The following UBE3D variants were observed in gnomAD, a reference collection of about 807,000 sequenced individuals.
The protein encoded by UBE3D is E3 ubiquitin-protein ligase E3D.
In UBE3D, 48 loss-of-function variants were observed where a neutral mutation model predicts 49.6. The observed-to-expected ratio is 0.97, with a 90% confidence interval of 0.77 to 1.23. The LOEUF (loss-of-function observed/expected upper bound fraction) is 1.23, where lower values mean the gene tolerates loss of function less well. Ranked by LOEUF, UBE3D falls within the 50% of genes most tolerant of loss-of-function variation. The probability of loss-of-function intolerance (pLI) is 0.00; values close to 1 mark genes in which losing one functional copy is unlikely to be tolerated. For missense variants in UBE3D, 452 were observed against 468.4 expected, an observed-to-expected ratio of 0.96 and a Z score of 0.32; for synonymous variants, 189 against 174.2, an observed-to-expected ratio of 1.08 and a Z score of -0.67.
intron 9 of UBE3D, chr6:82,893,975 T>C (rs1771124340): frequency 1.3e-5 from 2 of 152,212 alleles, no homozygotes; most frequent in South Asian, 2.1e-4. Context: ...CTTCATACGG[T>C]GCTGGTGAGA....
chr6:82,909,094 C>G (rs1428290044), intron 9 of UBE3D, among the ~76,000 whole-genome samples: 1 of 152,216 alleles, frequency 6.6e-6, no homozygotes, highest in Non-Finnish European at 1.5e-5. Context: ...GGGGTTACCC[C>G]TGTCCCACAG....
chr6:83,009,862 C>T (rs564734113), intron 8 of UBE3D, among the ~76,000 whole-genome samples: 232 of 148,758 alleles, frequency 1.6e-3, no homozygotes, highest in African/African-American at 5.1e-3. Flanking sequence ...GAATACTGAG[C>T]GAAAAAAATC....
At chr6:83,022,807 C>T (rs1038415189) in intron 6 of UBE3D, among the ~76,000 whole-genome samples, 1 of 152,140 alleles carries the variant, frequency 6.6e-6, no homozygotes, top group Non-Finnish European at 1.5e-5. Flanking sequence ...CACACCAAAC[C>T]TAACTATTCA....
intron 9 of UBE3D, among the ~76,000 whole-genome samples, chr6:82,924,500 A>C (rs1376742428): frequency 6.6e-6 from 1 of 152,192 alleles, no homozygotes; most frequent in African/African-American, 2.4e-5. Flanking sequence ...CTAGTATCAC[A>C]AATTCAAAAC....
At chr6:82,958,232 A>C (rs968087577) in intron 8 of UBE3D, among the ~76,000 whole-genome samples, 6 of 152,198 alleles carry the variant, frequency 3.9e-5, no homozygotes, top group African/African-American at 1.4e-4. Context: ...TAGTGCTTAA[A>C]GGGAAACATC....
chr6:82,895,060 C>T (rs923813142), intron 9 of UBE3D, among the ~76,000 whole-genome samples: 1 of 152,094 alleles, frequency 6.6e-6, no homozygotes, highest in Non-Finnish European at 1.5e-5. Context: ...GCCTGTAATC[C>T]CAGCACTTTG....
rs1309245218 is a variant in UBE3D, at chr6:83,065,705, G to A, written c.14C>T (p.Ala5Val). 2 of 1,610,894 alleles carry A rather than the reference G, an allele frequency of 1.2e-6. No homozygotes were observed. Among genetic ancestry groups the A allele is most frequent in the African/African-American group, 1.3e-5 (1 of 74,904 alleles). ...CTCCAGAAACACGCGCGTCTCCGCCGCAGAAGCCGCCATGGCAGGCTTCCA... is the reference window on the plus strand; with the variant it reads ...CTCCAGAAACACGCGCGTCTCCGCCACAGAAGCCGCCATGGCAGGCTTCCA... MAASAAETRVFLEVR... is the reference protein window; with the variant it reads MAASVAETRVFLEVR... The change falls in exon 1 of 10, where the codon GCG (alanine) becomes GTG (valine). Residue 5 changes from alanine (A) to valine (V), a missense_variant. Ala to Val is a moderately conservative substitution (Grantham distance 64). Coordinates refer to ENST00000369747, the MANE Select transcript of UBE3D (RefSeq NM_198920.3).
At chr6:82,956,242 G>A (rs74830478) in intron 9 of UBE3D, among the ~76,000 whole-genome samples, 1 of 152,176 alleles carries the variant, frequency 6.6e-6, no homozygotes, top group African/African-American at 2.4e-5. Context: ...TCTCAGCAAC[G>A]TAGGTTGTAT....
At chr6:83,006,397 G>T (rs1779983216) in intron 8 of UBE3D, among the ~76,000 whole-genome samples, 1 of 152,120 alleles carries the variant, frequency 6.6e-6, no homozygotes, top group African/African-American at 2.4e-5. Context: ...GAGATAGGAG[G>T]TCATTAAGAT....
At chr6:83,000,319 G>C (rs534560856) in intron 8 of UBE3D, among the ~76,000 whole-genome samples, 1 of 152,094 alleles carries the variant, frequency 6.6e-6, no homozygotes, top group South Asian at 2.1e-4. Context: ...ATGTATAAAA[G>C]TGAACCAATT....
chr6:83,013,272 A>G (rs894279486), intron 8 of UBE3D, among the ~76,000 whole-genome samples: 6 of 152,328 alleles, frequency 3.9e-5, no homozygotes, highest in East Asian at 1.9e-4. Flanking sequence ...GCCCAGTAAC[A>G]GGCTAAGACC....
chr6:82,917,574 T>C (rs569458162), intron 9 of UBE3D, among the ~76,000 whole-genome samples: 2 of 152,226 alleles, frequency 1.3e-5, no homozygotes, highest in African/African-American at 4.8e-5. Context: ...CTATGAGACC[T>C]CCCTGGGGTG....
At chr6:82,937,099 CT>C (rs1774636016) in intron 9 of UBE3D, among the ~76,000 whole-genome samples, 1 of 152,160 alleles carries the variant, frequency 6.6e-6, no homozygotes, top group Non-Finnish European at 1.5e-5. Flanking sequence ...TAATTTCATT[CT>C]TGTTTCCCAT....
chr6:83,062,070 A>C (rs1018703925), intron 1 of UBE3D, among the ~76,000 whole-genome samples: 1 of 152,046 alleles, frequency 6.6e-6, no homozygotes, highest in Non-Finnish European at 1.5e-5. Context: ...CACTTCTATC[A>C]AATATATATT....
downstream of UBE3D, among the ~76,000 whole-genome samples, chr6:82,891,363 C>T (rs1214152560): frequency 6.6e-6 from 1 of 152,138 alleles, no homozygotes; most frequent in East Asian, 1.9e-4. Flanking sequence ...AAAGAATTAT[C>T]CAGACCAAGA....
At chr6:83,063,412 T>TAAAAAAAAAAAAAAAAAA (rs201669450) in intron 1 of UBE3D, among the ~76,000 whole-genome samples, 12 of 45,478 alleles carry the variant, frequency 2.6e-4, no homozygotes, top group African/African-American at 4.4e-4. Context: ...AGACGCTGTC[T>TAAAAAAAAAAAAAAAAAA]AAAAAAAAAA....
rs1205301611 is a variant in UBE3D, at chr6:82,892,590, A to C, written c.*432T>G. On this transcript the variant is annotated 3_prime_UTR_variant, in exon 10 of 10. Transcript: ENST00000369747. ...TCTTTTTTAAAATTTGTTTTAAATC[A>C]TCCTGAGAAACTCTTTAAAAGTTTA... The C allele has an allele frequency of 5.9e-6, 1 of 169,786 alleles. No homozygotes were observed. Among genetic ancestry groups the C allele is most frequent in the Non-Finnish European group, 1.3e-5 (1 of 77,528 alleles). 10.5% of individuals were successfully genotyped at this position (169,786 alleles called of 1,614,324 possible). A position where few individuals can be genotyped will look rare whatever the true frequency, so the allele number is the denominator to read the frequency against.
intron 3 of UBE3D, among the ~76,000 whole-genome samples, chr6:83,046,649 C>G (rs1192295834): frequency 9.9e-6 from 1 of 100,604 alleles, no homozygotes; most frequent in South Asian, 4.0e-4. Context: ...AACAGAGTAA[C>G]GGTTCTAAAT....
At chr6:82,963,487 G>A (rs1399465055) in intron 8 of UBE3D, among the ~76,000 whole-genome samples, 1 of 152,154 alleles carries the variant, frequency 6.6e-6, no homozygotes, top group Non-Finnish European at 1.5e-5. Flanking sequence ...ACAATAGGCT[G>A]TTTGCAAGCT....
Sources: allele counts gnomAD v4.1 joint callset (sites outside exome capture counted in the v4.1 genomes callset), GRCh38; gene constraint gnomAD v4.1.1; transcripts MANE v1.5; gene names NCBI Gene and HGNC (gene_info 2026-07-23, HGNC 2026-07-21).